Variants in SI observed in about 807,000 individuals in gnomAD.
SI encodes the protein sucrase-isomaltase, intestinal.
In SI, 235 loss-of-function variants were observed where a neutral mutation model predicts 253.3. The observed-to-expected ratio is 0.93, with a 90% CI of 0.83 to 1.03. SI has a LOEUF of 1.03. SI is among the 50% of genes least tolerant of loss of function. SI has a pLI of 0.00. For synonymous variants in SI, 819 were observed against 712.0 expected (o/e 1.15, Z -2.39); for missense variants, 2,442 against 2,211.1 (o/e 1.10, Z -2.09).
Position 165,019,589 on chromosome 3 carries a change from T to C in SI, c.3423+13A>G, listed in dbSNP as rs762792591. The C allele has an allele frequency of 1.9e-6, 3 of 1,611,480 alleles. No individual in the cohort carries two copies. Among genetic ancestry groups the C allele is most frequent in the South Asian group, 1.1e-5 (1 of 91,044 alleles). The stretch of plus-strand genomic sequence containing the variant: ...TTAGTTGCCTCGTGGAGTGGTCATA[T>C]GTTGGTACCTACACCAGGGGGTTGG... On this transcript the variant is annotated intron_variant, in intron 28 of 47. Transcript: ENST00000264382.
At chr3:165,051,171 C>A (rs1325736041) in intron 13 of SI, among the ~76,000 whole-genome samples, 1 of 151,936 alleles carries the variant, frequency 6.6e-6, no homozygotes, top group African/African-American at 2.4e-5. Flanking sequence ...CAAGCACACT[C>A]AATATGATTA....
intron 44 of SI, among the ~76,000 whole-genome samples, chr3:164,987,808 T>C (rs535840077): frequency 6.6e-6 from 1 of 152,302 alleles, no homozygotes; most frequent in Non-Finnish European, 1.5e-5. Flanking sequence ...TTGAAAGTAA[T>C]TAAAACCACA....
chr3:165,090,181 A>AC, the SI span, among the ~76,000 whole-genome samples: 8 of 146,448 alleles, frequency 5.5e-5, no homozygotes, highest in East Asian at 6.0e-4. Flanking sequence ...GAGAGAGAGA[A>AC]CCCCCCCGCA....
intron 31 of SI, among the ~76,000 whole-genome samples, chr3:165,017,000 C>T (rs940770386): frequency 1.3e-5 from 2 of 151,786 alleles, no homozygotes; most frequent in Non-Finnish European, 1.5e-5. Context: ...TGGGTGTTAG[C>T]AGCAGCATCC....
chr3:165,046,803 G>A, intron 16 of SI, 38 bp downstream of exon 16: 1 of 1,482,180 alleles, frequency 6.7e-7, no homozygotes, highest in Non-Finnish European at 9.4e-7. Flanking sequence ...TAATGTAATT[G>A]TAGCTTTTAT....
intron 23 of SI, 85 bp from the exon 24 acceptor site, chr3:165,032,777 AG>A: frequency 1.1e-6 from 1 of 877,066 alleles, no homozygotes; most frequent in Non-Finnish European, 1.8e-6. Flanking sequence ...TAGCAAAAAA[AG>A]GTCATCATCT....
At chr3:165,006,243 G>T (rs915959858) in intron 37 of SI, among the ~76,000 whole-genome samples, 1 of 152,058 alleles carries the variant, frequency 6.6e-6, no homozygotes, top group Non-Finnish European at 1.5e-5. Flanking sequence ...CGAGTAACTG[G>T]GACCACAGCT....
upstream of SI, among the ~76,000 whole-genome samples, chr3:165,082,466 A>G (rs954872520): frequency 3.3e-5 from 5 of 151,982 alleles, no homozygotes; most frequent in Non-Finnish European, 5.9e-5. Context: ...CAGTAGTCCA[A>G]TGATACTTAA....
intron 33 of SI, among the ~76,000 whole-genome samples, chr3:165,013,485 C>T (rs553724802): frequency 1.3e-5 from 2 of 152,130 alleles, no homozygotes; most frequent in African/African-American, 4.8e-5. Context: ...AATCAAACAT[C>T]CCAGTGATTT....
rs1576881150 is a variant in SI at position 165,006,998 on chromosome 3, C to A, written c.4268-44G>T. ...AAAATATTAATATATTATACAGTGC[C>A]CTACAATGAAACGTGTAACTCATAA... On this transcript the variant is annotated intron_variant, in intron 36 of 47. Transcript: ENST00000264382. The A allele has an allele frequency of 3.6e-6, 5 of 1,374,286 alleles. No homozygotes were observed. The East Asian group carries it at 1.2e-4, about 34-fold the overall frequency. 85.1% of individuals were successfully genotyped at this position (1,374,286 alleles called of 1,614,324 possible).
intron 37 of SI, among the ~76,000 whole-genome samples, chr3:165,005,439 T>C (rs1270302515): frequency 1.3e-5 from 2 of 152,062 alleles, no homozygotes; most frequent in Non-Finnish European, 2.9e-5. Flanking sequence ...ATTGCATGCT[T>C]GGTATCTCAC....
chr3:165,017,115 T>C (rs1719071695), intron 31 of SI, among the ~76,000 whole-genome samples: 1 of 151,944 alleles, frequency 6.6e-6, no homozygotes, highest in Non-Finnish European at 1.5e-5. Flanking sequence ...ATCTCTATTA[T>C]ATATTACAAC....
chr3:165,013,119 T>C, intron 33 of SI, 77 bp from the exon 34 acceptor site: 1 of 900,270 alleles, frequency 1.1e-6, no homozygotes, highest in Admixed American at 1.7e-5. Flanking sequence ...TGAAGTGTAA[T>C]GGAGTATTAG....
chr3:165,067,473 T>C lies in SI; in HGVS notation c.502A>G (p.Arg168Gly). ...TACTGATGAGGAACTTCATATCTTC[T>C]ATTATTTGGATCAGTAATCTGGAAA... ...FRFKITDPNNRRYEVPHQYVK... is the reference protein window; with the variant it reads ...FRFKITDPNNGRYEVPHQYVK... Residue 168 changes from arginine to glycine, a missense_variant, in exon 6 of 48, where the codon AGA (arginine) becomes GGA (glycine). Physicochemically the swap from Arg to Gly is moderately radical, Grantham distance 125. Transcript: ENST00000264382. 6.2e-7 allele frequency: 1 copy of C among 1,609,912 alleles called. No homozygotes were observed. The highest frequency in any genetic ancestry group is 8.5e-7 in the Non-Finnish European group (1 of 1,176,502).
chr3:165,005,481 C>A (rs1271931262), intron 37 of SI, among the ~76,000 whole-genome samples: 1 of 151,928 alleles, frequency 6.6e-6, no homozygotes, highest in Non-Finnish European at 1.5e-5. Context: ...CTACTATGTG[C>A]ACATGACACT....
intron 3 of SI, among the ~76,000 whole-genome samples, chr3:165,069,850 T>C (rs1158899281): frequency 1.3e-5 from 2 of 151,700 alleles, no homozygotes; most frequent in African/African-American, 2.4e-5. Flanking sequence ...AGTGATGCTA[T>C]GCATGAATAG....
At chr3:165,058,819 T>C in intron 12 of SI, 144 bp downstream of exon 12, 2 of 631,076 alleles carry the variant, frequency 3.2e-6, no homozygotes, top group Non-Finnish European at 5.5e-6. Flanking sequence ...AATATTTTTC[T>C]CCACAATTAA....
At chr3:165,069,375 T>C (rs547363045) in intron 3 of SI, among the ~76,000 whole-genome samples, 180 bp from the exon 4 acceptor site, 1 of 152,100 alleles carries the variant, frequency 6.6e-6, no homozygotes, top group Non-Finnish European at 1.5e-5. Context: ...TTTAATAAAT[T>C]GAATTAATTA....
At chr3:165,006,212 G>T (rs775826408) in intron 37 of SI, among the ~76,000 whole-genome samples, 4 of 152,154 alleles carry the variant, frequency 2.6e-5, no homozygotes, top group Admixed American at 2.6e-4. Context: ...AGGTCCAAGC[G>T]ATTCTTGTGC....
Sources: gnomAD v4.1 joint callset for allele counts (sites outside exome capture counted in the v4.1 genomes callset) on GRCh38, gnomAD v4.1.1 for gene constraint, MANE v1.5 for transcripts, NCBI Gene and HGNC (gene_info 2026-07-23, HGNC 2026-07-21) for gene names.